SEMA6D: variants seen among roughly 807,000 people sequenced by gnomAD.
SEMA6D encodes the protein semaphorin 6D.
A neutral mutation model predicts 106.6 loss-of-function variants in SEMA6D; 35 were observed. The ratio of observed to expected loss-of-function variants is 0.33; its 90% CI spans 0.25 to 0.44. SEMA6D has a LOEUF of 0.44. SEMA6D is among the 20% of genes least tolerant of loss of function. The pLI is 1.00. For synonymous variants in SEMA6D, 499 were observed against 487.7 expected, an observed-to-expected ratio of 1.02 and a Z score of -0.31; for missense variants, 1,185 against 1,345.9, an observed-to-expected ratio of 0.88 and a Z score of 1.87.
intron 1 of SEMA6D, among the ~76,000 whole-genome samples, chr15:47,727,342 CTG>C (rs1264152977): frequency 1.3e-5 from 2 of 152,216 alleles, no homozygotes; most frequent in East Asian, 1.9e-4. Context: ...GCCCAGTAGT[CTG>C]TGTTTTTAAG....
At chr15:47,477,277 A>T (rs2043029418) in intron 3 of SEMA6D, among the ~76,000 whole-genome samples, 1 of 152,154 alleles carries the variant, frequency 6.6e-6, no homozygotes, top group Non-Finnish European at 1.5e-5. Context: ...TGGATAGAGT[A>T]TGCAATGAGG....
chr15:47,293,440 T>C (rs918209724), intron 1 of SEMA6D, among the ~76,000 whole-genome samples: 9 of 152,206 alleles, frequency 5.9e-5, no homozygotes, highest in African/African-American at 2.2e-4. Flanking sequence ...AATTCACCAC[T>C]CTTCCTTGGT....
At chr15:47,679,072 G>A (rs181830711) in intron 4 of SEMA6D, among the ~76,000 whole-genome samples, 85 of 152,280 alleles carry the variant, frequency 5.6e-4, no homozygotes, top group Non-Finnish European at 9.8e-4. Context: ...AAATATGTCC[G>A]ATGTTATACA....
At chr15:47,620,693 A>AAT (rs72092074) in intron 4 of SEMA6D, among the ~76,000 whole-genome samples, 5,902 of 132,876 alleles carry the variant, frequency 0.044, 234 homozygotes, top group African/African-American at 0.098. Context: ...TTGCCTTTAA[A>AAT]ATATATATAT....
At chr15:47,325,325 C>T (rs946500743) in intron 1 of SEMA6D, among the ~76,000 whole-genome samples, 2 of 152,240 alleles carry the variant, frequency 1.3e-5, no homozygotes, top group Admixed American at 6.5e-5. Context: ...AGGCGCCCAC[C>T]ACCAGGCCCG....
At chr15:47,579,497 T>C (rs957729185) in intron 3 of SEMA6D, among the ~76,000 whole-genome samples, 14 of 152,170 alleles carry the variant, frequency 9.2e-5, no homozygotes, top group African/African-American at 3.4e-4. Context: ...TGTAGTTAAT[T>C]GAGGAAATGC....
intron 1 of SEMA6D, among the ~76,000 whole-genome samples, chr15:47,295,893 T>A (rs1411712277): frequency 1.3e-5 from 2 of 152,180 alleles, no homozygotes; most frequent in African/African-American, 2.4e-5. Context: ...AGGTTCCATT[T>A]TTAGCTCCAC....
chr15:47,578,929 A>G (rs1353551578), intron 3 of SEMA6D, among the ~76,000 whole-genome samples: 1 of 152,168 alleles, frequency 6.6e-6, no homozygotes. Flanking sequence ...AAACAGAAAA[A>G]TACACACCAC....
chr15:47,648,062 G>A (rs2077615195), intron 4 of SEMA6D, among the ~76,000 whole-genome samples: 1 of 152,098 alleles, frequency 6.6e-6, no homozygotes, highest in Non-Finnish European at 1.5e-5. Flanking sequence ...ACACCCACCT[G>A]TGTATTTATG....
intron 2 of SEMA6D, among the ~76,000 whole-genome samples, chr15:47,455,490 G>GT (rs1567091797): frequency 6.6e-6 from 1 of 151,914 alleles, no homozygotes; most frequent in African/African-American, 2.4e-5. Flanking sequence ...AAGGAGTAAC[G>GT]TAAGTGGGAC....
In SEMA6D at chr15:47,355,962, G is replaced by A. The variant is rs79074774; in HGVS notation, c.-238-56431G>A. On this transcript the variant is annotated intron_variant, in intron 1 of 19. Transcript: ENST00000558014. Reference sequence around the variant, plus strand: ...ATGACATTCTATACTGCATACCATGGTAGGCATAGTGAGCTCTGAGAATTT... The same window carrying A: ...ATGACATTCTATACTGCATACCATGATAGGCATAGTGAGCTCTGAGAATTT... 5.6e-3 allele frequency among the ~76,000 whole-genome samples: 848 copies of A among 152,216 alleles called. 4 individuals carry two copies. The highest frequency in any genetic ancestry group is 0.039 in the East Asian group (203 of 5,164).
In SEMA6D at chr15:47,765,894, A is replaced by T; in HGVS notation, c.1453A>T (p.Lys485Ter). The T allele has an allele frequency of 6.5e-7, 1 of 1,527,170 alleles. No individual in the cohort carries two copies. Among genetic ancestry groups the T allele is most frequent in the Non-Finnish European group, 8.8e-7 (1 of 1,138,716 alleles). 94.6% of individuals were successfully genotyped at this position (1,527,170 alleles called of 1,614,324 possible). ...AKCSAENEED[K>*]KVISLQLDKD... ...GTGCAGTGCTGAGAATGAGGAAGAC[A>T]AAAAGGTCATCTCATTACAGTTGGA... The change falls in exon 14 of 19, where the codon AAA becomes TAA. Residue 485 changes from lysine to a stop codon, truncating the protein, a stop_gained. Transcript: ENST00000536845. LOFTEE classifies it high-confidence loss of function.
chr15:47,390,264 A>G (rs1412382166), intron 1 of SEMA6D, among the ~76,000 whole-genome samples: 1 of 152,160 alleles, frequency 6.6e-6, no homozygotes, highest in Admixed American at 6.5e-5. Context: ...CCACAGTAAC[A>G]CAAGAGCAAT....
At chr15:47,334,003 G>C (rs889086293) in intron 1 of SEMA6D, among the ~76,000 whole-genome samples, 23 of 152,190 alleles carry the variant, frequency 1.5e-4, no homozygotes, top group African/African-American at 5.5e-4. Flanking sequence ...GCTAACCAGA[G>C]AGGCCAAGAA....
chr15:47,247,338 G>A (rs2033261718), intron 1 of SEMA6D, among the ~76,000 whole-genome samples: 1 of 151,796 alleles, frequency 6.6e-6, no homozygotes, highest in African/African-American at 2.4e-5. Context: ...TCAGAAGGGA[G>A]AAAACATTCT....
chr15:47,702,851 G>A (rs2078840527), intron 4 of SEMA6D, among the ~76,000 whole-genome samples: 1 of 151,946 alleles, frequency 6.6e-6, no homozygotes, highest in Non-Finnish European at 1.5e-5. Context: ...GGTTGAGAGG[G>A]GAAAAAAGGA....
At chr15:47,216,242 C>T (rs1378212) in intron 1 of SEMA6D, among the ~76,000 whole-genome samples, 4,116 of 152,196 alleles carry the variant, frequency 0.027, 191 homozygotes, top group African/African-American at 0.095. Context: ...AAGTTCTTCA[C>T]ATTATTAAAG....
At chr15:47,523,184 T>C (rs1266737058) in intron 3 of SEMA6D, among the ~76,000 whole-genome samples, 2 of 152,164 alleles carry the variant, frequency 1.3e-5, no homozygotes, top group Non-Finnish European at 2.9e-5. Flanking sequence ...GGTCAGCCTC[T>C]CTGCCAGGCA....
At chr15:47,284,009 C>G (rs989609891) in intron 1 of SEMA6D, among the ~76,000 whole-genome samples, 1 of 152,144 alleles carries the variant, frequency 6.6e-6, no homozygotes, top group African/African-American at 2.4e-5. Flanking sequence ...CTGTCATCAC[C>G]TCTACCCACT....
Sources: gnomAD v4.1 joint callset for allele counts (sites outside exome capture counted in the v4.1 genomes callset) on GRCh38, gnomAD v4.1.1 for gene constraint, MANE v1.5 for transcripts, NCBI Gene and HGNC (gene_info 2026-07-23, HGNC 2026-07-21) for gene names.